Variants in PLXNA2 observed in about 807,000 individuals in gnomAD.
The protein encoded by PLXNA2 is plexin A2.
PLXNA2 carries 91 observed loss-of-function variants against 193.5 expected under a neutral mutation model. The ratio of observed to expected loss-of-function variants is 0.47; its 90% CI spans 0.40 to 0.56. The LOEUF (loss-of-function observed/expected upper bound fraction) is 0.56, where lower values mean the gene tolerates loss of function less well. PLXNA2 is among the 20% of genes least tolerant of loss of function. The pLI is 0.00. For missense variants in PLXNA2, 1,995 were observed against 2,503.2 expected (o/e 0.80, Z 4.33); for synonymous variants, 997 against 1,027.3 (o/e 0.97, Z 0.56).
chr1:208,033,761 TG>T (rs2102304413), intron 27 of PLXNA2, among the ~76,000 whole-genome samples: 2 of 152,352 alleles, frequency 1.3e-5, no homozygotes, highest in African/African-American at 4.8e-5. Context: ...CTTGGGAATT[TG>T]GGAGTCCCCT....
At chr1:208,178,683 A>T (rs923586744) in intron 3 of PLXNA2, among the ~76,000 whole-genome samples, 4 of 152,242 alleles carry the variant, frequency 2.6e-5, no homozygotes, top group Non-Finnish European at 5.9e-5. Context: ...AAACACCTGT[A>T]TCCAGGAGGA....
At chr1:208,092,236 T>C (rs1160491763) in intron 9 of PLXNA2, among the ~76,000 whole-genome samples, 3 of 152,278 alleles carry the variant, frequency 2.0e-5, no homozygotes, top group African/African-American at 7.2e-5. Flanking sequence ...GTTTCGACTG[T>C]ATAATAAAAC....
chr1:208,042,870 C>A (rs1260315579), intron 21 of PLXNA2, among the ~76,000 whole-genome samples, 191 bp downstream of exon 21: 2 of 152,228 alleles, frequency 1.3e-5, no homozygotes, highest in African/African-American at 2.4e-5. Context: ...ACCCTGGAAC[C>A]ATCCCAAGGA....
Position 208,038,597 on chromosome 1 carries a change from A to G in PLXNA2, c.4661-123T>C, listed in dbSNP as rs1664753166. The G allele has an allele frequency of 3.6e-6, 3 of 838,000 alleles. No individual in the cohort carries two copies. The highest frequency in any genetic ancestry group is 5.1e-5 in the East Asian group (2 of 39,460). 51.9% of individuals were successfully genotyped at this position (838,000 alleles called of 1,614,324 possible). A position where few individuals can be genotyped will look rare whatever the true frequency, so the allele number is the denominator to read the frequency against. On this transcript the variant is annotated intron_variant, in intron 25 of 31. Transcript: ENST00000367033. This position sits in a 1 kb window ranked among gnomAD's most constrained non-coding sequence, Gnocchi z 4.1. ...GCCCCCTCAAGCTGGTACCAATAAC[A>G]GAGGCTAGAGACATCTAGGGCTCCA...
chr1:208,189,817 G>A (rs955574067), intron 3 of PLXNA2, among the ~76,000 whole-genome samples: 2 of 152,096 alleles, frequency 1.3e-5, no homozygotes, highest in African/African-American at 4.8e-5. Flanking sequence ...CCAACAGCCC[G>A]CCAGTCAGGA....
chr1:208,074,949 G>C (rs897693923), intron 12 of PLXNA2, among the ~76,000 whole-genome samples: 2 of 152,204 alleles, frequency 1.3e-5, no homozygotes, highest in Non-Finnish European at 2.9e-5. Flanking sequence ...ATGGAAGTCC[G>C]ATGATTCAGA....
chr1:208,065,697 G>A (rs1267718675), intron 12 of PLXNA2, among the ~76,000 whole-genome samples: 1 of 152,194 alleles, frequency 6.6e-6, no homozygotes, highest in Non-Finnish European at 1.5e-5. Flanking sequence ...AGCTGCTCAT[G>A]GGCCGTTTGG....
At chr1:208,169,785 G>T (rs1043578470) in intron 3 of PLXNA2, among the ~76,000 whole-genome samples, 1 of 151,994 alleles carries the variant, frequency 6.6e-6, no homozygotes, top group Non-Finnish European at 1.5e-5. Context: ...TGCAAATCAA[G>T]TATAGCCTTG....
At chr1:208,179,808 T>C (rs74754127) in intron 3 of PLXNA2, among the ~76,000 whole-genome samples, 1,542 of 152,220 alleles carry the variant, frequency 0.01, 33 homozygotes, top group African/African-American at 0.035. Flanking sequence ...AGAGCAGGGA[T>C]TCAGAATCTC....
chr1:208,030,696 G>A (rs527709436), intron 29 of PLXNA2: 81 of 985,406 alleles, frequency 8.2e-5, no homozygotes, highest in Middle Eastern at 1.0e-3. Context: ...CATCTGTGTC[G>A]GCTCTGTTTT....
At chr1:208,164,255 T>C (rs1412527500) in intron 3 of PLXNA2, among the ~76,000 whole-genome samples, 1 of 152,194 alleles carries the variant, frequency 6.6e-6, no homozygotes, top group Admixed American at 6.5e-5. Flanking sequence ...CCTCTGCCTC[T>C]TTTTTGTTCC....
chr1:208,165,762 C>T (rs985467983), intron 3 of PLXNA2, among the ~76,000 whole-genome samples: 12 of 152,218 alleles, frequency 7.9e-5, no homozygotes, highest in African/African-American at 2.7e-4. Flanking sequence ...CTCAGAACTA[C>T]AGAGTTCCAG....
chr1:208,229,452 G>A lies in PLXNA2; in HGVS notation c.-80-11450C>T, dbSNP rs573363916. Among the ~76,000 whole-genome samples, 488 of 152,300 alleles carry A rather than the reference G, an allele frequency of 3.2e-3. 5 individuals are homozygous for A. Among genetic ancestry groups the A allele is most frequent in the Non-Finnish European group, 4.5e-3 (307 of 68,030 alleles). ...AAGAGCAGCGCGAGGGGGTGCCCAG[G>A]TGTGCTCATTTGCTTTTTCTCAGTG... On this transcript the variant is annotated intron_variant, in intron 1 of 31. Transcript: ENST00000367033.
chr1:208,096,663 G>A (rs1666901954), intron 7 of PLXNA2, 67 bp downstream of exon 7: 1 of 1,561,144 alleles, frequency 6.4e-7, no homozygotes, highest in South Asian at 1.2e-5. Context: ...CCTAGTTCTT[G>A]TGACCCCCAG....
intron 2 of PLXNA2, 93 bp from the exon 3 acceptor site, chr1:208,210,555 AC>A: frequency 8.8e-7 from 1 of 1,137,368 alleles, no homozygotes; most frequent in Non-Finnish European, 1.2e-6. Flanking sequence ...GCCTTAGGAC[AC>A]CAGGCCTCAG....
intron 3 of PLXNA2, among the ~76,000 whole-genome samples, chr1:208,179,346 G>T (rs1340144037): frequency 6.6e-6 from 1 of 152,198 alleles, no homozygotes; most frequent in Non-Finnish European, 1.5e-5. Context: ...TGGTGCATTT[G>T]CTTCTGATTT....
chr1:208,182,527 C>T (rs576953886), intron 3 of PLXNA2, among the ~76,000 whole-genome samples: 43 of 152,214 alleles, frequency 2.8e-4, no homozygotes, highest in African/African-American at 8.4e-4. Flanking sequence ...CTACTGAAAG[C>T]GTCTTGCTCT....
At chr1:208,177,520 T>A (rs1669696621) in intron 3 of PLXNA2, among the ~76,000 whole-genome samples, 2 of 152,236 alleles carry the variant, frequency 1.3e-5, no homozygotes, top group Non-Finnish European at 1.5e-5. Flanking sequence ...TAAATGAGTG[T>A]TTACTATAAT....
At chr1:208,131,601 T>G (rs1036907414) in intron 4 of PLXNA2, among the ~76,000 whole-genome samples, 7 of 152,132 alleles carry the variant, frequency 4.6e-5, no homozygotes, top group African/African-American at 1.7e-4. Context: ...CAGGAGGCTT[T>G]CTTGAGTCTG....
Sources: gnomAD v4.1 joint callset for allele counts (sites outside exome capture counted in the v4.1 genomes callset) on GRCh38, gnomAD v4.1.1 for gene constraint, Gnocchi (gnomAD v3.1) non-coding constraint, MANE v1.5 for transcripts, NCBI Gene and HGNC (gene_info 2026-07-23, HGNC 2026-07-21) for gene names.